Variants in PTPRD observed in about 807,000 individuals in gnomAD.
PTPRD encodes receptor-type tyrosine-protein phosphatase delta.
Under a neutral mutation model 214.5 loss-of-function variants are expected in PTPRD, and 34 were observed. That is an observed-to-expected ratio of 0.16 (90% CI 0.12 to 0.21). PTPRD has a LOEUF of 0.21. Among genes scored for constraint, PTPRD ranks in the 10% least tolerant of loss-of-function variants. The pLI is 1.00. For missense variants in PTPRD, 2,545 were observed against 2,398.7 expected, an observed-to-expected ratio of 1.06 and a Z score of -1.27; for synonymous variants, 1,128 against 845.7, an observed-to-expected ratio of 1.33 and a Z score of -5.79.
At chr9:8,543,622 T>C (rs2079053563) in intron 14 of PTPRD, among the ~76,000 whole-genome samples, 1 of 152,236 alleles carries the variant, frequency 6.6e-6, no homozygotes, top group Admixed American at 6.5e-5. Flanking sequence ...AAATTATAGT[T>C]ACATGGGCAC....
At chr9:8,919,192 A>G (rs1350076821) in intron 11 of PTPRD, among the ~76,000 whole-genome samples, 1 of 152,134 alleles carries the variant, frequency 6.6e-6, no homozygotes, top group Non-Finnish European at 1.5e-5. Flanking sequence ...CAGGAGTTCA[A>G]GACCAGCCTG....
In PTPRD at chr9:9,077,552, A is replaced by G. The variant is rs2099753080; in HGVS notation, c.-142-58817T>C. On this transcript the variant is annotated intron_variant, in intron 10 of 45. Coordinates refer to ENST00000381196, the MANE Select transcript of PTPRD (RefSeq NM_002839.4). ...AATCTATTACTCCTTTTTTATGTTT[A>G]TAGAGATCCACAAAAATTGATGTGA... Among the ~76,000 whole-genome samples, 4 of 152,086 alleles carry G rather than the reference A, an allele frequency of 2.6e-5. No individual in the cohort carries two copies. The South Asian group carries it at 8.3e-4, about 31-fold the overall frequency.
At chr9:10,275,910 G>C (rs921977496) in intron 3 of PTPRD, among the ~76,000 whole-genome samples, 1 of 152,172 alleles carries the variant, frequency 6.6e-6, no homozygotes, top group Non-Finnish European at 1.5e-5. Context: ...CAAGGGGTTT[G>C]AGAGCCAGTG....
chr9:9,788,574 A>G (rs150225922), intron 5 of PTPRD, among the ~76,000 whole-genome samples: 1,713 of 151,716 alleles, frequency 0.011, 18 homozygotes, highest in Non-Finnish European at 0.019. Flanking sequence ...AAGAAAGAAA[A>G]AAAAAAGAAA....
At chr9:9,248,298 G>A (rs1594516281) in intron 9 of PTPRD, among the ~76,000 whole-genome samples, 1 of 151,644 alleles carries the variant, frequency 6.6e-6, no homozygotes, top group African/African-American at 2.4e-5. Flanking sequence ...TTCACCATGT[G>A]GGCCAGGCTA....
intron 21 of PTPRD, among the ~76,000 whole-genome samples, chr9:8,512,064 A>G (rs2097693768): frequency 6.6e-6 from 1 of 152,142 alleles, no homozygotes; most frequent in African/African-American, 2.4e-5. Context: ...TCATCTTGCT[A>G]TAGTATAAAT....
chr9:10,416,082 T>C (rs1255270719), intron 2 of PTPRD, among the ~76,000 whole-genome samples: 1 of 151,742 alleles, frequency 6.6e-6, no homozygotes, highest in Non-Finnish European at 1.5e-5. Flanking sequence ...ACATGGTGGC[T>C]CATGCCTGTA....
chr9:9,042,618 T>C lies in PTPRD; in HGVS notation c.-142-23883A>G, dbSNP rs1354377720. 5.1e-4 allele frequency among the ~76,000 whole-genome samples: 29 copies of C among 57,192 alleles called. No individual in the cohort carries two copies. The South Asian group carries it at 0.012, about 24-fold the overall frequency. 37.5% of individuals were successfully genotyped at this position (57,192 alleles called of 152,430 possible). A position where few individuals can be genotyped will look rare whatever the true frequency, so the allele number is the denominator to read the frequency against. On this transcript the variant is annotated intron_variant, in intron 10 of 45. Transcript: ENST00000381196. ...TTAGCATTTTTTCTTTTTTTTCTTT[T>C]CTTTTTTTTTTTTTTTGGTCTATTC...
chr9:10,484,903 GCTTATGGGATATTT>G (rs1369223686), intron 2 of PTPRD, among the ~76,000 whole-genome samples: 1 of 151,810 alleles, frequency 6.6e-6, no homozygotes, highest in African/African-American at 2.4e-5. Flanking sequence ...AGATACCCAT[GCTTATGGGATATTT>G]CTCAAGAAAT....
chr9:10,509,563 A>T (rs1299440688), intron 2 of PTPRD, among the ~76,000 whole-genome samples: 4 of 22,534 alleles, frequency 1.8e-4, no homozygotes, highest in Non-Finnish European at 4.7e-4. Flanking sequence ...AATATTATAT[A>T]TATATATATA....
chr9:8,404,172 G>T (rs369554034), intron 36 of PTPRD, among the ~76,000 whole-genome samples: 5 of 151,958 alleles, frequency 3.3e-5, no homozygotes, highest in Non-Finnish European at 5.9e-5. Context: ...GCCCAGGCTG[G>T]GGCTGGAGTA....
At chr9:9,459,637 A>C (rs1394400121) in intron 8 of PTPRD, among the ~76,000 whole-genome samples, 2 of 152,156 alleles carry the variant, frequency 1.3e-5, no homozygotes, top group South Asian at 4.1e-4. Context: ...ACTTTTAACC[A>C]AAAAGGTGAA....
intron 39 of PTPRD, among the ~76,000 whole-genome samples, chr9:8,343,931 G>A (rs1435165702): frequency 6.6e-6 from 1 of 152,020 alleles, no homozygotes; most frequent in African/African-American, 2.4e-5. Flanking sequence ...CAAGGGTTTG[G>A]AATTATGTAA....
intron 10 of PTPRD, among the ~76,000 whole-genome samples, chr9:9,093,002 C>G (rs1314098668): frequency 6.6e-6 from 1 of 151,792 alleles, no homozygotes; most frequent in South Asian, 2.1e-4. Flanking sequence ...GAAACTAATG[C>G]AGTACGAAAG....
chr9:8,785,253 TAATC>T (rs962870238), intron 11 of PTPRD, among the ~76,000 whole-genome samples: 1 of 152,078 alleles, frequency 6.6e-6, no homozygotes, highest in Non-Finnish European at 1.5e-5. Flanking sequence ...AAAAAAACAC[TAATC>T]AATGAAAGAG....
intron 3 of PTPRD, among the ~76,000 whole-genome samples, chr9:10,246,880 G>C (rs1227102394): frequency 6.6e-6 from 1 of 151,176 alleles, no homozygotes; most frequent in African/African-American, 2.4e-5. Flanking sequence ...GGCAACAAGA[G>C]CAAAACTCTG....
At chr9:9,067,967 T>C (rs1353313547) in intron 10 of PTPRD, among the ~76,000 whole-genome samples, 1 of 152,214 alleles carries the variant, frequency 6.6e-6, no homozygotes, top group Non-Finnish European at 1.5e-5. Flanking sequence ...TTAACCACAT[T>C]CACTTTTCTC....
intron 37 of PTPRD, among the ~76,000 whole-genome samples, chr9:8,383,786 C>T (rs1034246331): frequency 6.6e-6 from 1 of 152,130 alleles, no homozygotes; most frequent in Non-Finnish European, 1.5e-5. Context: ...AGTGAATCAA[C>T]CCCCACTATA....
intron 7 of PTPRD, among the ~76,000 whole-genome samples, chr9:9,632,816 A>G (rs927532443): frequency 6.6e-6 from 1 of 152,198 alleles, no homozygotes; most frequent in African/African-American, 2.4e-5. Flanking sequence ...ATGGGAACTA[A>G]GAATGGTTTG....
Sources: allele counts gnomAD v4.1 joint callset (sites outside exome capture counted in the v4.1 genomes callset), GRCh38; gene constraint gnomAD v4.1.1; transcripts MANE v1.5; gene names NCBI Gene and HGNC (gene_info 2026-07-23, HGNC 2026-07-21).